Variants in TPCN2 observed in about 807,000 individuals in gnomAD.
TPCN2 encodes the protein two pore channel protein 2.
Under a neutral mutation model 111.4 loss-of-function variants are expected in TPCN2, and 92 were observed. The ratio of observed to expected loss-of-function variants is 0.83; its 90% CI spans 0.70 to 0.98. The LOEUF is 0.98. Ranked by LOEUF, TPCN2 falls within the 50% of genes least tolerant of loss-of-function variation. The pLI is 0.00. For synonymous variants in TPCN2, 405 were observed against 414.5 expected, an observed-to-expected ratio of 0.98 and a Z score of 0.28; for missense variants, 995 against 980.1, an observed-to-expected ratio of 1.02 and a Z score of -0.20.
chr11:69,085,343 G>GC, intron 20 of TPCN2, 57 bp downstream of exon 20: 2 of 581,888 alleles, frequency 3.4e-6, no homozygotes, highest in Non-Finnish European at 6.8e-6. Flanking sequence ...GGGTGGGCGG[G>GC]AAGCCTTGGC....
At chr11:69,051,574 C>T (rs943878755) in intron 1 of TPCN2, among the ~76,000 whole-genome samples, 9 of 152,184 alleles carry the variant, frequency 5.9e-5, no homozygotes, top group South Asian at 2.1e-4. Context: ...CTGGATGTTG[C>T]GGGGCAGAGG....
At chr11:69,073,708 CTG>C (rs1855635963) in intron 13 of TPCN2, among the ~76,000 whole-genome samples, 1 of 152,242 alleles carries the variant, frequency 6.6e-6, no homozygotes, top group Non-Finnish European at 1.5e-5. Flanking sequence ...CTGGTTCCTC[CTG>C]AGGCCCCTCT....
chr11:69,080,380 C>G (rs1231612658), intron 17 of TPCN2, among the ~76,000 whole-genome samples: 2 of 152,248 alleles, frequency 1.3e-5, no homozygotes, highest in Non-Finnish European at 2.9e-5. Context: ...CCGGGGCTCA[C>G]TGAACTCTGA....
At chr11:69,077,039 C>T (rs1855805125) in intron 13 of TPCN2, among the ~76,000 whole-genome samples, 1 of 99,774 alleles carries the variant, frequency 1.0e-5, no homozygotes, top group African/African-American at 3.9e-5. Context: ...CCTGCCATGT[C>T]CCTCCACCTG....
At chr11:69,073,461 G>C (rs781629348) in intron 13 of TPCN2, among the ~76,000 whole-genome samples, 1 of 152,256 alleles carries the variant, frequency 6.6e-6, no homozygotes, top group African/African-American at 2.4e-5. Flanking sequence ...CAGGCAGTGT[G>C]GGGGCAGCAC....
chr11:69,067,394 C>A, intron 7 of TPCN2, 109 bp from the exon 8 acceptor site: 1 of 977,678 alleles, frequency 1.0e-6, no homozygotes, highest in Non-Finnish European at 1.6e-6. Flanking sequence ...CAGGGAGATG[C>A]AGGCTGGGCG....
At chr11:69,081,688 C>T (rs888466994) in intron 18 of TPCN2, among the ~76,000 whole-genome samples, 189 bp downstream of exon 18, 1 of 152,140 alleles carries the variant, frequency 6.6e-6, no homozygotes, top group Non-Finnish European at 1.5e-5. Context: ...AGCAGGAGAG[C>T]CCAGCCCTGC....
At position 69,052,962 on chromosome 11, in the gene TPCN2, C is replaced by T. The variant is rs1237025229; in HGVS notation, c.110-1071C>T. On this transcript the variant is annotated intron_variant, in intron 1 of 24. Transcript: ENST00000294309. ...CTCAGTTGCTTCGGGTTGAGTTTTC[C>T]TTCCCTGTTGGCCTGCTGGGGAGCA... is the stretch of plus-strand genomic sequence containing the variant. Among the ~76,000 whole-genome samples, 4 of 152,256 alleles carry T rather than the reference C, an allele frequency of 2.6e-5. No homozygotes were observed. The East Asian group carries it at 7.7e-4, about 29-fold the overall frequency.
rs766127455 is a variant in TPCN2 at position 69,085,832 on chromosome 11, G to A, written c.1921-16G>A. 7 of 1,614,096 alleles carry A rather than the reference G, an allele frequency of 4.3e-6. No individual in the cohort carries two copies. In the South Asian group the frequency reaches 7.7e-5, roughly 18 times the overall value. ...CCTCCTGGGCCCTCCTGGACCGCTG[G>A]TCTCTGCCCCCGCAGGCTGCCCTGG... On this transcript the variant is annotated splice_polypyrimidine_tract_variant and intron_variant, in intron 21 of 24. Coordinates refer to ENST00000294309, the MANE Select transcript of TPCN2 (RefSeq NM_139075.4).
chr11:69,063,038 C>G lies in TPCN2; in HGVS notation c.653+48C>G. The G allele has an allele frequency of 1.9e-6, 3 of 1,545,018 alleles. No individual in the cohort carries two copies. The South Asian group carries it at 3.3e-5, about 17-fold the overall frequency. ...TCGCAGGGTTGGGAAGGGGCTCTCT[C>G]TGCCCCGGGCCACGTGGTTGCGGGT... On this transcript the variant is annotated intron_variant, in intron 6 of 24. Coordinates refer to ENST00000294309, the MANE Select transcript of TPCN2 (RefSeq NM_139075.4).
chr11:69,076,104 G>T (rs180961009), intron 13 of TPCN2, among the ~76,000 whole-genome samples: 2 of 152,348 alleles, frequency 1.3e-5, no homozygotes, highest in Non-Finnish European at 2.9e-5. Context: ...AGGAAACCAT[G>T]TGGTGTCCTT....
chr11:69,049,174 TC>T, intron 1 of TPCN2, 68 bp downstream of exon 1: 1 of 1,014,458 alleles, frequency 9.9e-7, no homozygotes, highest in Non-Finnish European at 1.3e-6. Flanking sequence ...GGTCCCGCTG[TC>T]CCAGCACCCC....
At chr11:69,079,483 C>A in intron 16 of TPCN2, 1 of 296,854 alleles carries the variant, frequency 3.4e-6, no homozygotes, top group Non-Finnish European at 6.3e-6. Context: ...GTGTGTGTCA[C>A]AAGCAGCCAC....
Position 69,084,018 on chromosome 11 carries a change from T to TG in TPCN2, c.1761+3dup. 6.2e-7 allele frequency: 1 copy of TG among 1,613,984 alleles called. No individual in the cohort carries two copies. Among genetic ancestry groups the TG allele is most frequent in the South Asian group, 1.1e-5 (1 of 91,078 alleles). Reference sequence around the variant, plus strand: ...CGTGCGTTTGGCGGGATCCTGGTGGTGAGTCCCAGGCTGCTGCTGGTGGCG... The same window carrying TG: ...CGTGCGTTTGGCGGGATCCTGGTGGTGGAGTCCCAGGCTGCTGCTGGTGGCG... On this transcript the variant is annotated splice_region_variant and intron_variant, in intron 19 of 24. Transcript: ENST00000294309.
intron 1 of TPCN2, among the ~76,000 whole-genome samples, chr11:69,053,207 C>T (rs184405936): frequency 2.0e-5 from 3 of 152,252 alleles, no homozygotes; most frequent in Non-Finnish European, 2.9e-5. Flanking sequence ...TTGCCCAGGC[C>T]TGCCGGGAGG....
chr11:69,086,626 G>T (rs1189538391), intron 23 of TPCN2, 22 bp downstream of exon 23: 1 of 1,610,440 alleles, frequency 6.2e-7, no homozygotes, highest in Non-Finnish European at 8.5e-7. Flanking sequence ...CCCCACCCAG[G>T]CTGTTCTCCA....
At chr11:69,084,970 T>A in intron 19 of TPCN2, 1 of 325,326 alleles carries the variant, frequency 3.1e-6, no homozygotes, top group Non-Finnish European at 4.4e-6. Flanking sequence ...GGCAGGGCCC[T>A]AATTCCCTTA....
At chr11:69,065,234 C>T (rs1009534246) in intron 7 of TPCN2, among the ~76,000 whole-genome samples, 2 of 152,158 alleles carry the variant, frequency 1.3e-5, no homozygotes, top group African/African-American at 4.8e-5. Context: ...GAATCTCAGG[C>T]CCTCCTCTGT....
At chr11:69,051,906 A>G (rs957376966) in intron 1 of TPCN2, among the ~76,000 whole-genome samples, 1 of 152,134 alleles carries the variant, frequency 6.6e-6, no homozygotes, top group African/African-American at 2.4e-5. Context: ...GGGCCGGCAA[A>G]TGTGGGAACC....
Sources: gnomAD v4.1 joint callset for allele counts (sites outside exome capture counted in the v4.1 genomes callset) on GRCh38, gnomAD v4.1.1 for gene constraint, MANE v1.5 for transcripts, NCBI Gene and HGNC (gene_info 2026-07-23, HGNC 2026-07-21) for gene names.